Variants in MIS18A observed in about 807,000 individuals in gnomAD.
The protein encoded by MIS18A is protein Mis18-alpha.
Under a neutral mutation model 25.0 loss-of-function variants are expected in MIS18A, and 14 were observed. That is an observed-to-expected ratio of 0.56 (90% CI 0.37 to 0.88). The LOEUF (loss-of-function observed/expected upper bound fraction) is 0.88. Ranked by LOEUF, MIS18A falls within the 40% of genes least tolerant of loss-of-function variation. The pLI is 0.00. For missense variants in MIS18A, 292 were observed against 290.8 expected, an observed-to-expected ratio of 1.00 and a Z score of -0.03; for synonymous variants, 134 against 118.6, an observed-to-expected ratio of 1.13 and a Z score of -0.84.
chr21:32,192,149 G>A, the MIS18A span, among the ~76,000 whole-genome samples: 3 of 152,138 alleles, frequency 2.0e-5, no homozygotes, highest in Non-Finnish European at 4.4e-5. Flanking sequence ...GTAGACTCCT[G>A]TGCCCAGATG....
the MIS18A span, among the ~76,000 whole-genome samples, chr21:32,257,838 G>A: frequency 6.6e-6 from 1 of 152,138 alleles, no homozygotes. Flanking sequence ...ATCACTTAAT[G>A]CACGAGTATT....
chr21:32,248,661 G>A, the MIS18A span, among the ~76,000 whole-genome samples: 1 of 152,182 alleles, frequency 6.6e-6, no homozygotes, highest in Non-Finnish European at 1.5e-5. Flanking sequence ...CAGGCTTTCA[G>A]TGGAACCCTT....
At chr21:32,240,344 TG>T in the MIS18A span, among the ~76,000 whole-genome samples, 1 of 152,234 alleles carries the variant, frequency 6.6e-6, no homozygotes, top group East Asian at 1.9e-4. Flanking sequence ...AGAGGAGAGT[TG>T]TCCCTTCCGC....
At chr21:32,196,742 C>T in the MIS18A span, among the ~76,000 whole-genome samples, 1 of 152,172 alleles carries the variant, frequency 6.6e-6, no homozygotes, top group Non-Finnish European at 1.5e-5. Context: ...GCATGAGCCA[C>T]CACGCCTGGC....
At chr21:32,266,518 C>T (rs546093034), downstream of MIS18A, among the ~76,000 whole-genome samples, 64 of 152,244 alleles carry the variant, frequency 4.2e-4, 1 homozygote, top group Admixed American at 6.5e-4. Flanking sequence ...TAACACTCAC[C>T]GCAAAGATCT....
At chr21:32,154,928 G>C in the MIS18A span, among the ~76,000 whole-genome samples, 2 of 151,468 alleles carry the variant, frequency 1.3e-5, no homozygotes, top group East Asian at 3.9e-4. Flanking sequence ...AGGCAAAGTT[G>C]CAAGACTGAC....
chr21:32,219,067 CA>C, the MIS18A span, among the ~76,000 whole-genome samples: 17,656 of 84,198 alleles, frequency 0.21, 1,403 homozygotes, highest in African/African-American at 0.37. Context: ...GACTCTGTCT[CA>C]AAAAAAAAAA....
chr21:32,206,971 C>T, the MIS18A span, among the ~76,000 whole-genome samples: 3 of 152,304 alleles, frequency 2.0e-5, no homozygotes, highest in Non-Finnish European at 2.9e-5. Context: ...CCACCCACCA[C>T]GGCTGCCAGA....
chr21:32,209,646 C>T, the MIS18A span, among the ~76,000 whole-genome samples: 4 of 152,148 alleles, frequency 2.6e-5, no homozygotes, highest in South Asian at 8.3e-4. Flanking sequence ...ATTGTAGTCC[C>T]CATAATCCTC....
the MIS18A span, among the ~76,000 whole-genome samples, chr21:32,209,762 T>C: frequency 2.0e-5 from 3 of 151,994 alleles, no homozygotes; most frequent in Admixed American, 6.5e-5. Flanking sequence ...GATCCGATGG[T>C]TTTTTAAGGG....
chr21:32,223,414 C>T, the MIS18A span, among the ~76,000 whole-genome samples: 5 of 152,014 alleles, frequency 3.3e-5, no homozygotes, highest in Non-Finnish European at 7.4e-5. Flanking sequence ...AGAGAAGAAT[C>T]AAATAGACAC....
chr21:32,157,241 G>GTTTTTTT, the MIS18A span, among the ~76,000 whole-genome samples: 1 of 104,984 alleles, frequency 9.5e-6, no homozygotes, highest in Non-Finnish European at 1.8e-5. Flanking sequence ...TTTTTTTTTT[G>GTTTTTTT]GTAGTTTTAG....
the MIS18A span, among the ~76,000 whole-genome samples, chr21:32,155,376 T>C: frequency 6.6e-6 from 1 of 152,136 alleles, no homozygotes; most frequent in African/African-American, 2.4e-5. Flanking sequence ...GGAGGCAGCT[T>C]GTATAGCTCT....
Position 32,278,782 on chromosome 21 carries a change from T to C in MIS18A, c.233A>G (p.Glu78Gly), listed in dbSNP as rs1212914856. 1 of 1,581,696 alleles carries C rather than the reference T, an allele frequency of 6.3e-7. No individual in the cohort carries two copies. Among genetic ancestry groups the C allele is most frequent in the Admixed American group, 1.8e-5 (1 of 55,576 alleles). The change falls in exon 1 of 5, where the codon GAG becomes GGG. Residue 78 changes from glutamate (E) to glycine (G), a missense_variant. Transcript: ENST00000290130. ...GGAGCACAGGAACACCAGCGGCCTCTCCTCCGCAGCCGCCGCCTCCTCCTC... is the reference window on the plus strand; with the variant it reads ...GGAGCACAGGAACACCAGCGGCCTCCCCTCCGCAGCCGCCGCCTCCTCCTC... ...QLEEEAAAAE[E>G]RPLVFLCSGC...
chr21:32,265,256 A>T (rs1002727662), downstream of MIS18A, among the ~76,000 whole-genome samples: 2 of 151,950 alleles, frequency 1.3e-5, no homozygotes, highest in Non-Finnish European at 2.9e-5. Context: ...TCAGCCCCCC[A>T]CTGCACTGTG....
chr21:32,257,366 G>A, the MIS18A span, among the ~76,000 whole-genome samples: 1 of 152,184 alleles, frequency 6.6e-6, no homozygotes, highest in African/African-American at 2.4e-5. Flanking sequence ...ATCCAGTTCA[G>A]AATTCCATGA....
the MIS18A span, among the ~76,000 whole-genome samples, chr21:32,173,602 T>C: frequency 6.6e-6 from 1 of 152,132 alleles, no homozygotes; most frequent in South Asian, 2.1e-4. Context: ...TGGAATGTGA[T>C]TTGGCAGTAA....
At chr21:32,263,464 G>C (rs1288751579), downstream of MIS18A, among the ~76,000 whole-genome samples, 1 of 152,154 alleles carries the variant, frequency 6.6e-6, no homozygotes. Flanking sequence ...AGCCAGGCGT[G>C]GTGGCACGCG....
chr21:32,239,677 T>C, the MIS18A span, among the ~76,000 whole-genome samples: 1 of 152,172 alleles, frequency 6.6e-6, no homozygotes, highest in African/African-American at 2.4e-5. Flanking sequence ...TTTTATAATA[T>C]TCTGACCACA....
Sources: gnomAD v4.1 joint callset for allele counts (sites outside exome capture counted in the v4.1 genomes callset) on GRCh38, gnomAD v4.1.1 for gene constraint, MANE v1.5 for transcripts, NCBI Gene and HGNC (gene_info 2026-07-23, HGNC 2026-07-21) for gene names.